Variants in RFX3 observed in about 807,000 individuals in gnomAD.
RFX3 encodes regulatory factor X3.
RFX3 carries 14 observed loss-of-function variants against 98.6 expected under a neutral mutation model. The observed-to-expected ratio is 0.14, with a 90% CI of 0.09 to 0.22. RFX3 has a LOEUF of 0.22. Ranked by LOEUF, RFX3 falls within the 10% of genes least tolerant of loss-of-function variation. The pLI, the probability that RFX3 is intolerant of heterozygous loss-of-function variation, is 1.00. For missense variants in RFX3, 639 were observed against 926.9 expected, an observed-to-expected ratio of 0.69 and a Z score of 4.03; for synonymous variants, 383 against 328.4, an observed-to-expected ratio of 1.17 and a Z score of -1.80.
chr9:3,238,343 T>C (rs1201093854), intron 15 of RFX3, among the ~76,000 whole-genome samples: 1 of 152,162 alleles, frequency 6.6e-6, no homozygotes, highest in East Asian at 1.9e-4. Context: ...GTTTATGCAC[T>C]GATCAAGCCA....
At chr9:3,276,905 G>A (rs1351733276) in intron 8 of RFX3, among the ~76,000 whole-genome samples, 1 of 151,952 alleles carries the variant, frequency 6.6e-6, no homozygotes, top group Non-Finnish European at 1.5e-5. Flanking sequence ...AGAAAGTACT[G>A]TGATTAATTT....
chr9:3,469,463 T>C (rs1257394083), intron 1 of RFX3, among the ~76,000 whole-genome samples: 3 of 152,164 alleles, frequency 2.0e-5, no homozygotes, highest in African/African-American at 4.8e-5. Flanking sequence ...AGTCAATATA[T>C]AAACTACGAA....
At chr9:3,268,370 C>T (rs1434365456) in intron 11 of RFX3, among the ~76,000 whole-genome samples, 2 of 151,670 alleles carry the variant, frequency 1.3e-5, no homozygotes, top group African/African-American at 4.8e-5. Context: ...TGCAGATTGA[C>T]TCTGACAACT....
At chr9:3,388,914 T>C (rs555870310) in intron 2 of RFX3, among the ~76,000 whole-genome samples, 1 of 152,060 alleles carries the variant, frequency 6.6e-6, no homozygotes, top group South Asian at 2.1e-4. Context: ...AGAAAAAGAT[T>C]TGTGCTCTTC....
intron 15 of RFX3, among the ~76,000 whole-genome samples, chr9:3,241,779 C>T (rs1441321243): frequency 1.3e-5 from 2 of 152,006 alleles, no homozygotes; most frequent in African/African-American, 2.4e-5. Flanking sequence ...TGTTCTTTTC[C>T]GGCAGATTTA....
Position 3,237,760 on chromosome 9 carries a change from G to C in RFX3, c.1969-8871C>G, listed in dbSNP as rs181791419. ...AAGGATATTATATATAACTTTCCCAGGGTGCAAAGATATTAAATGGGAAAT... is the reference window on the plus strand; with the variant it reads ...AAGGATATTATATATAACTTTCCCACGGTGCAAAGATATTAAATGGGAAAT... On this transcript the variant is annotated intron_variant, in intron 15 of 16. Coordinates refer to ENST00000617270, the MANE Select transcript of RFX3 (RefSeq NM_001282116.2). Among the ~76,000 whole-genome samples, 12 of 152,296 alleles carry C rather than the reference G, an allele frequency of 7.9e-5. No individual in the cohort carries two copies. In the East Asian group the frequency reaches 2.3e-3, roughly 29 times the overall value.
intron 1 of RFX3, among the ~76,000 whole-genome samples, chr9:3,504,317 T>TTG (rs1564183785): frequency 7.4e-6 from 1 of 135,098 alleles, no homozygotes; most frequent in African/African-American, 2.9e-5. Context: ...ATAGCATATA[T>TTG]TATATATAAA....
At chr9:3,503,719 T>G (rs908041755) in intron 1 of RFX3, among the ~76,000 whole-genome samples, 1 of 152,138 alleles carries the variant, frequency 6.6e-6, no homozygotes, top group African/African-American at 2.4e-5. Flanking sequence ...TGTACAAAGT[T>G]TTACAAATAA....
At chr9:3,238,189 T>G (rs762900215) in intron 15 of RFX3, among the ~76,000 whole-genome samples, 1 of 152,142 alleles carries the variant, frequency 6.6e-6, no homozygotes, top group Non-Finnish European at 1.5e-5. Context: ...AATAATAAGG[T>G]CATAAGATGG....
chr9:3,256,339 C>T (rs77744287), intron 14 of RFX3, among the ~76,000 whole-genome samples: 8 of 144,546 alleles, frequency 5.5e-5, no homozygotes, highest in South Asian at 2.2e-4. Context: ...GGATTTGTTT[C>T]TTTTTTTTTT....
intron 3 of RFX3, among the ~76,000 whole-genome samples, 194 bp downstream of exon 3, chr9:3,346,473 G>A (rs1457924512): frequency 1.3e-5 from 2 of 152,170 alleles, no homozygotes; most frequent in African/African-American, 4.8e-5. Context: ...ATGGGGTTAA[G>A]TGAAAGGAAA....
intron 15 of RFX3, among the ~76,000 whole-genome samples, chr9:3,239,769 T>TC (rs1214480130): frequency 6.6e-6 from 1 of 152,218 alleles, no homozygotes; most frequent in African/African-American, 2.4e-5. Flanking sequence ...CCATTGCCAG[T>TC]CCCTTTCCTA....
chr9:3,235,100 A>G (rs957226653), intron 15 of RFX3, among the ~76,000 whole-genome samples: 3 of 152,268 alleles, frequency 2.0e-5, no homozygotes, highest in African/African-American at 7.2e-5. Context: ...GAAGTCGAGA[A>G]TGACAGAAAA....
At chr9:3,254,534 C>A (rs1000035033) in intron 14 of RFX3, among the ~76,000 whole-genome samples, 3 of 151,680 alleles carry the variant, frequency 2.0e-5, no homozygotes, top group Non-Finnish European at 2.9e-5. Flanking sequence ...GGGAAAATAT[C>A]TGAAATCTTT....
At chr9:3,265,045 C>CCAAAGAGAA (rs1483777465) in intron 12 of RFX3, among the ~76,000 whole-genome samples, 1 of 147,540 alleles carries the variant, frequency 6.8e-6, no homozygotes, top group Non-Finnish European at 1.5e-5. Context: ...AACAGCACTG[C>CCAAAGAGAA]CAAAGAGAAC....
intron 1 of RFX3, among the ~76,000 whole-genome samples, chr9:3,416,775 TA>T (rs1441441161): frequency 1.3e-5 from 2 of 151,914 alleles, no homozygotes; most frequent in Non-Finnish European, 2.9e-5. Flanking sequence ...AATGGAATCA[TA>T]AAAATTATTC....
intron 11 of RFX3, among the ~76,000 whole-genome samples, chr9:3,269,008 G>A (rs539440406): frequency 9.9e-5 from 15 of 151,884 alleles, no homozygotes; most frequent in African/African-American, 3.6e-4. Context: ...GGGAGCAAGA[G>A]AAAAACAAGG....
intron 1 of RFX3, among the ~76,000 whole-genome samples, chr9:3,504,120 CCTCTCT>C (rs1045135201): frequency 3.9e-5 from 5 of 128,866 alleles, no homozygotes; most frequent in East Asian, 4.1e-4. Flanking sequence ...TCTCTCTCTC[CCTCTCT>C]CTTTATATAT....
intron 2 of RFX3, among the ~76,000 whole-genome samples, chr9:3,366,699 T>TTTCTTTCTTTCTTTCTTTCTTTC (rs1837168206): frequency 2.0e-5 from 2 of 98,428 alleles, no homozygotes; most frequent in East Asian, 6.6e-4. Flanking sequence ...CTTTCCTTTC[T>TTTCTTTCTTTCTTTCTTTCTTTC]TTCTTTCTTT....
Sources: allele counts gnomAD v4.1 joint callset (sites outside exome capture counted in the v4.1 genomes callset), GRCh38; gene constraint gnomAD v4.1.1; transcripts MANE v1.5; gene names NCBI Gene and HGNC (gene_info 2026-07-23, HGNC 2026-07-21).